The following LEPROTL1 variants were observed in gnomAD, a reference collection of about 807,000 sequenced individuals.
The protein encoded by LEPROTL1 is leptin receptor overlapping transcript like 1.
In LEPROTL1, 6 loss-of-function variants were observed where a neutral mutation model predicts 15.4. The ratio of observed to expected loss-of-function variants is 0.39; its 90% CI spans 0.21 to 0.77. The LOEUF is 0.77. Ranked by LOEUF, LEPROTL1 falls within the 30% of genes least tolerant of loss-of-function variation. The probability of loss-of-function intolerance (pLI) is 0.41; values close to 1 mark genes in which losing one functional copy is unlikely to be tolerated. For missense variants in LEPROTL1, 128 were observed against 158.1 expected (o/e 0.81, Z 1.02); for synonymous variants, 56 against 52.6 (o/e 1.06, Z -0.28).
At position 30,095,481 on chromosome 8, in the gene LEPROTL1, C is replaced by T. The variant is rs1168131814; in HGVS notation, c.-32C>T. ...GCTGCCGCTGCTGCCGCCGCCGCCT[C>T]GGGTCGTGGAGCCAGGAGCGACGTC... On this transcript the variant is annotated 5_prime_UTR_variant, in exon 1 of 4. Transcript: ENST00000321250. 2 of 1,465,374 alleles carry T rather than the reference C, an allele frequency of 1.4e-6. No homozygotes were observed. The highest frequency in any genetic ancestry group is 5.0e-5 in the Admixed American group (2 of 40,270). The allele number at this position is 1,465,374 out of a possible 1,614,324, so 90.8% of individuals were successfully genotyped here. A position where few individuals can be genotyped will look rare whatever the true frequency, so the allele number is the denominator to read the frequency against.
chr8:30,123,231 C>G lies in LEPROTL1; in HGVS notation c.280-9144C>G, dbSNP rs143507210. Among the ~76,000 whole-genome samples, 781 of 152,278 alleles carry G rather than the reference C, an allele frequency of 5.1e-3. 5 individuals are homozygous for G. The highest frequency in any genetic ancestry group is 0.018 in the African/African-American group (746 of 41,548). The stretch of plus-strand genomic sequence containing the variant: ...AGTGTATGGATATTTTATGACCTAC[C>G]TTAGAAGTCACGAAGCATCACTTCT... On this transcript the variant is annotated intron_variant, in intron 3 of 4. Coordinates refer to the LEPROTL1 transcript ENST00000442880.
At chr8:30,117,220 G>A (rs1038777293) in intron 3 of LEPROTL1, among the ~76,000 whole-genome samples, 3 of 152,098 alleles carry the variant, frequency 2.0e-5, no homozygotes, top group African/African-American at 7.2e-5. Context: ...AGGTGTGGTG[G>A]CTCAGGCCTG....
At chr8:30,114,702 C>G (rs1034307786) in intron 3 of LEPROTL1, among the ~76,000 whole-genome samples, 2 of 152,168 alleles carry the variant, frequency 1.3e-5, no homozygotes, top group African/African-American at 2.4e-5. Flanking sequence ...GCTTCAGCAG[C>G]GAACGACTCC....
intron 3 of LEPROTL1, among the ~76,000 whole-genome samples, chr8:30,122,186 C>T (rs902935878): frequency 1.3e-5 from 2 of 151,294 alleles, no homozygotes; most frequent in African/African-American, 4.9e-5. Flanking sequence ...AAAAAATTAA[C>T]TTTAGGTGTC....
At chr8:30,133,915 A>G (rs1309062217) in intron 4 of LEPROTL1, among the ~76,000 whole-genome samples, 2 of 152,156 alleles carry the variant, frequency 1.3e-5, no homozygotes, top group Non-Finnish European at 2.9e-5. Context: ...CAATGCTTGT[A>G]TGTCTGATAA....
downstream of LEPROTL1, among the ~76,000 whole-genome samples, chr8:30,110,843 G>A (rs1328266397): frequency 6.6e-6 from 1 of 152,150 alleles, no homozygotes; most frequent in African/African-American, 2.4e-5. Flanking sequence ...GAATAAACCT[G>A]AGTATTTCCA....
intron 4 of LEPROTL1, among the ~76,000 whole-genome samples, chr8:30,135,447 A>G (rs1257897649): frequency 6.6e-6 from 1 of 152,140 alleles, no homozygotes; most frequent in African/African-American, 2.4e-5. Flanking sequence ...TTAAATACGA[A>G]CCAGGCCCTG....
In LEPROTL1 at chr8:30,101,885, A is replaced by C; in HGVS notation, c.17-13A>C. 6.4e-7 allele frequency: 1 copy of C among 1,562,192 alleles called. No individual in the cohort carries two copies. The highest frequency in any genetic ancestry group is 8.8e-7 in the Non-Finnish European group (1 of 1,138,774). ...AATTTATATTCCTGTTGCACTTTTT[A>C]TTTGCTTTGCAGCTTTGATTAGTTT... On this transcript the variant is annotated splice_polypyrimidine_tract_variant and intron_variant, in intron 1 of 3. Transcript: ENST00000321250.
chr8:30,109,460 G>A (rs181068116), downstream of LEPROTL1, among the ~76,000 whole-genome samples: 440 of 152,292 alleles, frequency 2.9e-3, 1 homozygote, highest in Admixed American at 5.0e-3. Flanking sequence ...ATCATTTGAT[G>A]AAAGTATTAA....
chr8:30,098,594 C>A (rs1437246651), intron 1 of LEPROTL1, among the ~76,000 whole-genome samples: 4 of 152,098 alleles, frequency 2.6e-5, no homozygotes, highest in African/African-American at 4.8e-5. Context: ...CTTAACAGTA[C>A]CTTTAGTGTT....
chr8:30,132,460 G>T (rs1803044033), exon 4 of LEPROTL1: 1 of 1,551,596 alleles, frequency 6.4e-7, no homozygotes, highest in East Asian at 2.4e-5. Context: ...GTGGAGGAGG[G>T]AGTCGTCCAG....
At chr8:30,096,339 G>A in intron 1 of LEPROTL1, 1 of 985,200 alleles carries the variant, frequency 1.0e-6, no homozygotes, top group Non-Finnish European at 1.2e-6. Flanking sequence ...GTGATGAGAA[G>A]CAAAGTTTTC....
downstream of LEPROTL1, among the ~76,000 whole-genome samples, chr8:30,109,030 AC>A (rs374078341): frequency 1.7e-5 from 1 of 59,120 alleles, no homozygotes; most frequent in East Asian, 5.7e-4. Flanking sequence ...CCCTCAAACC[AC>A]CCCCCCGCCC....
chr8:30,114,803 G>C (rs1802710783), intron 3 of LEPROTL1, among the ~76,000 whole-genome samples: 1 of 152,154 alleles, frequency 6.6e-6, no homozygotes, highest in Non-Finnish European at 1.5e-5. Flanking sequence ...TCAGGAACCT[G>C]GGCTATCAGT....
At chr8:30,104,763 A>C (rs1352246160) in intron 3 of LEPROTL1, 1 of 199,454 alleles carries the variant, frequency 5.0e-6, no homozygotes, top group Non-Finnish European at 9.2e-6. Flanking sequence ...CCCAGCCTGG[A>C]GTGCAGTGGC....
At position 30,137,051 on chromosome 8, in the gene LEPROTL1, G is replaced by GT. The variant is rs1803163355; in HGVS notation, c.395-221_395-220insT. On this transcript the variant is annotated intron_variant, in intron 4 of 4. Coordinates refer to the LEPROTL1 transcript ENST00000442880. ...TAGGTATAGTCAGGAGGATGGCAAA[G>GT]CAAGTGAACCAACCGCAGGCTAGAA... Among the ~76,000 whole-genome samples the GT allele has an allele frequency of 5.9e-5, 9 of 152,180 alleles. No individual in the cohort carries two copies. In the South Asian group the frequency reaches 1.9e-3, roughly 32 times the overall value.
At chr8:30,117,047 T>C (rs1802752406) in intron 3 of LEPROTL1, among the ~76,000 whole-genome samples, 1 of 152,096 alleles carries the variant, frequency 6.6e-6, no homozygotes, top group Non-Finnish European at 1.5e-5. Flanking sequence ...GATGTGTGAG[T>C]AGAGGAAAAA....
downstream of LEPROTL1, among the ~76,000 whole-genome samples, chr8:30,112,822 C>T (rs555892253): frequency 2.7e-4 from 41 of 151,918 alleles, no homozygotes; most frequent in Non-Finnish European, 4.6e-4. Flanking sequence ...GTTAGATGTT[C>T]GCTGTTGCTT....
intron 3 of LEPROTL1, among the ~76,000 whole-genome samples, chr8:30,115,926 A>G (rs1802735043): frequency 1.3e-5 from 2 of 152,154 alleles, no homozygotes; most frequent in African/African-American, 4.8e-5. Context: ...GTTGGTCTCA[A>G]CCTTCTAAAA....
Sources: gnomAD v4.1 joint callset for allele counts (sites outside exome capture counted in the v4.1 genomes callset) on GRCh38, gnomAD v4.1.1 for gene constraint, MANE v1.5 for transcripts, NCBI Gene and HGNC (gene_info 2026-07-23, HGNC 2026-07-21) for gene names.